The following SAMSN1 variants were observed in gnomAD, a reference collection of about 807,000 sequenced individuals.
SAMSN1 encodes SAM domain-containing protein SAMSN-1.
Under a neutral mutation model 42.0 loss-of-function variants are expected in SAMSN1, and 31 were observed. The observed-to-expected ratio is 0.74, with a 90% CI of 0.55 to 1.00. The LOEUF (loss-of-function observed/expected upper bound fraction) is 1.00. Ranked by LOEUF, SAMSN1 falls within the 50% of genes least tolerant of loss-of-function variation. The pLI, the probability that SAMSN1 is intolerant of heterozygous loss-of-function variation, is 0.00. For synonymous variants in SAMSN1, 178 were observed against 151.9 expected, an observed-to-expected ratio of 1.17 and a Z score of -1.26; for missense variants, 464 against 439.4, an observed-to-expected ratio of 1.06 and a Z score of -0.50.
intron 7 of SAMSN1, among the ~76,000 whole-genome samples, chr21:14,488,462 C>A (rs1986537951): frequency 6.6e-6 from 1 of 152,042 alleles, no homozygotes; most frequent in Non-Finnish European, 1.5e-5. Context: ...AAAATTAGTT[C>A]TTTTCCTTTA....
At chr21:14,509,137 GAAAA>G (rs1437216842) in intron 5 of SAMSN1, among the ~76,000 whole-genome samples, 1 of 143,584 alleles carries the variant, frequency 7.0e-6, no homozygotes, top group Non-Finnish European at 1.5e-5. Context: ...CAAAAGAAAA[GAAAA>G]AAGAAAAGAA....
chr21:14,553,963 C>A (rs1980678834), intron 2 of SAMSN1, among the ~76,000 whole-genome samples: 1 of 152,092 alleles, frequency 6.6e-6, no homozygotes, highest in African/African-American at 2.4e-5. Flanking sequence ...TTCTCTCCAT[C>A]TGGAAACGGA....
chr21:14,564,271 A>T (rs1981039545), intron 2 of SAMSN1, among the ~76,000 whole-genome samples: 1 of 152,172 alleles, frequency 6.6e-6, no homozygotes, highest in Non-Finnish European at 1.5e-5. Context: ...ACCATTTCCC[A>T]TACTCTTATA....
chr21:14,522,956 G>T (rs1292708289), intron 1 of SAMSN1, among the ~76,000 whole-genome samples: 1 of 152,026 alleles, frequency 6.6e-6, no homozygotes, highest in East Asian at 1.9e-4. Flanking sequence ...AATGCCAATT[G>T]ACCTGGAATG....
chr21:14,625,876 C>G (rs1165399519), intron 2 of SAMSN1, among the ~76,000 whole-genome samples: 1 of 152,174 alleles, frequency 6.6e-6, no homozygotes, highest in Non-Finnish European at 1.5e-5. Context: ...TGACTTCAAA[C>G]TATACTACAA....
intron 2 of SAMSN1, among the ~76,000 whole-genome samples, chr21:14,634,835 T>C (rs1199512058): frequency 6.6e-6 from 1 of 152,214 alleles, no homozygotes; most frequent in Non-Finnish European, 1.5e-5. Flanking sequence ...TTACTGGGTA[T>C]ATACCCAAAG....
rs991876722 is a variant in SAMSN1, at chr21:14,626,604, G to A, written c.157-10588C>T. On this transcript the variant is annotated intron_variant, in intron 2 of 15. Transcript: ENST00000647101. ...ACCATCTCACACCAGTTAGAATGGTGATCATTAAAAAGTCAGGAAACAACA... is the reference window on the plus strand; with the variant it reads ...ACCATCTCACACCAGTTAGAATGGTAATCATTAAAAAGTCAGGAAACAACA... 1.3e-3 allele frequency among the ~76,000 whole-genome samples: 195 copies of A among 152,264 alleles called. 1 individual carries two copies. Among genetic ancestry groups the A allele is most frequent in the African/African-American group, 4.3e-3 (177 of 41,554 alleles).
chr21:14,657,837 G>T (rs1003561027), intron 1 of SAMSN1, among the ~76,000 whole-genome samples: 1 of 151,756 alleles, frequency 6.6e-6, no homozygotes, highest in Non-Finnish European at 1.5e-5. Context: ...GATGCTCTAA[G>T]ATTAAACCCC....
intron 1 of SAMSN1, among the ~76,000 whole-genome samples, chr21:14,544,902 CCTA>C (rs1354332491): frequency 2.6e-5 from 4 of 152,054 alleles, no homozygotes; most frequent in Admixed American, 2.0e-4. Context: ...CTTCCCTAAA[CCTA>C]CTATTGTTAA....
At chr21:14,592,134 C>T (rs1477690353) in intron 7 of SAMSN1, 1 of 152,162 alleles carries the variant, frequency 6.6e-6, no homozygotes, top group Non-Finnish European at 1.5e-5. Context: ...ACAGAAGCCA[C>T]ATCTTTCTTA....
chr21:14,657,058 AC>A (rs1983928271), intron 1 of SAMSN1, among the ~76,000 whole-genome samples: 1 of 151,700 alleles, frequency 6.6e-6, no homozygotes, highest in Admixed American at 6.6e-5. Context: ...CAAAAGCTGT[AC>A]CCCCACCCCT....
chr21:14,574,862 T>C (rs1981409286), intron 2 of SAMSN1, among the ~76,000 whole-genome samples: 1 of 152,182 alleles, frequency 6.6e-6, no homozygotes, highest in South Asian at 2.1e-4. Flanking sequence ...ATTTTATGTG[T>C]TTATTCTACA....
chr21:14,616,769 T>C (rs1482683899), intron 2 of SAMSN1, among the ~76,000 whole-genome samples: 3 of 152,118 alleles, frequency 2.0e-5, no homozygotes, highest in Non-Finnish European at 4.4e-5. Flanking sequence ...GGAATTTACA[T>C]ACTAAAGAAA....
In SAMSN1 at chr21:14,485,441, T is replaced by C. The variant is rs1269630375; in HGVS notation, c.*471A>G. On this transcript the variant is annotated 3_prime_UTR_variant, in exon 8 of 8. Transcript: ENST00000400566. ...AACTCCACTGTGGATCAGGATAAAA[T>C]GTGTCCAATATTAACTCACACTTTC... 2 of 153,748 alleles carry C rather than the reference T, an allele frequency of 1.3e-5. No individual in the cohort carries two copies. Among genetic ancestry groups the C allele is most frequent in the African/African-American group, 4.8e-5 (2 of 41,450 alleles). The allele number at this position is 153,748 out of a possible 1,614,324, so 9.5% of individuals were successfully genotyped here. A position where few individuals can be genotyped will look rare whatever the true frequency, so the allele number is the denominator to read the frequency against.
At chr21:14,581,358 T>C (rs1261085220) in intron 2 of SAMSN1, among the ~76,000 whole-genome samples, 1 of 107,534 alleles carries the variant, frequency 9.3e-6, no homozygotes, top group African/African-American at 3.5e-5. Context: ...TTTTTTTTTT[T>C]TTTTTTTTTT....
At chr21:14,626,757 G>T (rs190534906) in intron 2 of SAMSN1, among the ~76,000 whole-genome samples, 1 of 152,116 alleles carries the variant, frequency 6.6e-6, no homozygotes, top group African/African-American at 2.4e-5. Context: ...TTCCATTTGA[G>T]CCAGCCATCC....
chr21:14,610,584 G>A (rs1338212204), intron 4 of SAMSN1, among the ~76,000 whole-genome samples: 1 of 151,326 alleles, frequency 6.6e-6, no homozygotes, highest in Non-Finnish European at 1.5e-5. Flanking sequence ...AAAACCTGCT[G>A]GGTTTGTGGC....
At chr21:14,564,076 C>T (rs1055564503) in intron 2 of SAMSN1, among the ~76,000 whole-genome samples, 2 of 152,066 alleles carry the variant, frequency 1.3e-5, no homozygotes, top group Non-Finnish European at 2.9e-5. Context: ...TAAATACATT[C>T]GTTTTTTAAA....
intron 1 of SAMSN1, among the ~76,000 whole-genome samples, chr21:14,539,781 C>A (rs148134494): frequency 6.6e-6 from 1 of 152,026 alleles, no homozygotes; most frequent in South Asian, 2.1e-4. Flanking sequence ...TCCACAGAAT[C>A]GGAAAAAACT....
Sources: gnomAD v4.1 joint callset for allele counts (sites outside exome capture counted in the v4.1 genomes callset) on GRCh38, gnomAD v4.1.1 for gene constraint, MANE v1.5 for transcripts, NCBI Gene and HGNC (gene_info 2026-07-23, HGNC 2026-07-21) for gene names.